The following COL28A1 variants were observed in gnomAD, a reference collection of about 807,000 sequenced individuals.
The protein encoded by COL28A1 is collagen type XXVIII alpha 1 chain, also known as collagen alpha-1(XXVIII) chain.
Under a neutral mutation model 150.2 loss-of-function variants are expected in COL28A1, and 161 were observed. The observed-to-expected ratio is 1.07, with a 90% CI of 0.94 to 1.22. The LOEUF (loss-of-function observed/expected upper bound fraction) is 1.22. COL28A1 is among the 50% of genes most tolerant of loss of function. COL28A1 has a pLI of 0.00. For missense variants in COL28A1, 1,617 were observed against 1,388.3 expected, an observed-to-expected ratio of 1.16 and a Z score of -2.62; for synonymous variants, 552 against 469.7, an observed-to-expected ratio of 1.18 and a Z score of -2.26.
At position 7,513,535 on chromosome 7, in the gene COL28A1, A is replaced by G. The variant is rs1184415717; in HGVS notation, c.882+2279T>C. The stretch of plus-strand genomic sequence containing the variant: ...CTCTTCACATCCTTTCGTGAGTCAA[A>G]CTGACCCAGGAAAAACTGAGCTTTC... On this transcript the variant is annotated intron_variant, in intron 8 of 34. Transcript: ENST00000399429. 2.6e-5 allele frequency among the ~76,000 whole-genome samples: 4 copies of G among 152,352 alleles called. No homozygotes were observed. The East Asian group carries it at 5.8e-4, about 22-fold the overall frequency.
chr7:7,369,902 C>T (rs546115275), intron 33 of COL28A1, among the ~76,000 whole-genome samples: 1 of 152,238 alleles, frequency 6.6e-6, no homozygotes, highest in African/African-American at 2.4e-5. Context: ...AGGGGCATGA[C>T]TGTTATGTGC....
chr7:7,443,389 A>G (rs1583386093), intron 20 of COL28A1, among the ~76,000 whole-genome samples, 196 bp downstream of exon 20: 1 of 151,994 alleles, frequency 6.6e-6, no homozygotes, highest in Non-Finnish European at 1.5e-5. Context: ...TGGGTCTTAC[A>G]ATAGACGTTA....
At chr7:7,396,036 G>T (rs1403030080) in intron 27 of COL28A1, among the ~76,000 whole-genome samples, 1 of 152,164 alleles carries the variant, frequency 6.6e-6, no homozygotes, top group Admixed American at 6.6e-5. Flanking sequence ...AACTACCTTT[G>T]TTTTGAAAGG....
At chr7:7,443,850 A>T (rs1786008418) in intron 19 of COL28A1, among the ~76,000 whole-genome samples, 197 bp from the exon 20 acceptor site, 2 of 152,208 alleles carry the variant, frequency 1.3e-5, no homozygotes, top group Non-Finnish European at 2.9e-5. Context: ...AGTTTAACTC[A>T]GAGCAGCTGC....
At chr7:7,439,969 C>T (rs1298682602) in intron 21 of COL28A1, among the ~76,000 whole-genome samples, 5 of 152,184 alleles carry the variant, frequency 3.3e-5, no homozygotes, top group African/African-American at 1.2e-4. Flanking sequence ...GCTTTTTAAT[C>T]ATCTGGTCCT....
At chr7:7,374,038 AATATAT>A (rs60964603) in intron 31 of COL28A1, among the ~76,000 whole-genome samples, 19 of 113,624 alleles carry the variant, frequency 1.7e-4, no homozygotes, top group East Asian at 5.0e-4. Flanking sequence ...AAAAAAAAAA[AATATAT>A]ATATATATAT....
intron 27 of COL28A1, among the ~76,000 whole-genome samples, chr7:7,392,410 T>A (rs1053381961): frequency 5.9e-5 from 9 of 152,222 alleles, no homozygotes; most frequent in African/African-American, 1.7e-4. Context: ...CTTAACATTT[T>A]TTCCTTCATT....
chr7:7,529,347 T>A (rs775597896), intron 3 of COL28A1, among the ~76,000 whole-genome samples: 4 of 151,224 alleles, frequency 2.6e-5, no homozygotes, highest in Non-Finnish European at 4.4e-5. Flanking sequence ...ATTTGTAACA[T>A]TGAAAGTTGG....
intron 27 of COL28A1, among the ~76,000 whole-genome samples, chr7:7,400,669 T>C (rs1783122855): frequency 7.0e-6 from 1 of 143,394 alleles, no homozygotes; most frequent in Non-Finnish European, 1.5e-5. Flanking sequence ...ATACAACATA[T>C]AATAATATCT....
intron 18 of COL28A1, among the ~76,000 whole-genome samples, chr7:7,446,568 T>TA (rs906912942): frequency 2.6e-5 from 4 of 151,934 alleles, no homozygotes; most frequent in African/African-American, 7.3e-5. Context: ...CAAACATTTC[T>TA]AAAAAAAATA....
chr7:7,363,216 G>A (rs1315429955), intron 33 of COL28A1, among the ~76,000 whole-genome samples: 1 of 152,100 alleles, frequency 6.6e-6, no homozygotes, highest in Admixed American at 6.5e-5. Context: ...GAAGAGGCGG[G>A]CTAAGCAGCA....
chr7:7,517,908 A>T, intron 6 of COL28A1, 71 bp from the exon 7 acceptor site: 7 of 1,587,960 alleles, frequency 4.4e-6, no homozygotes, highest in Non-Finnish European at 6.0e-6. Context: ...AAAATGCATT[A>T]TACAGAAGAT....
At chr7:7,402,549 T>C (rs115273849) in intron 27 of COL28A1, among the ~76,000 whole-genome samples, 1,943 of 152,304 alleles carry the variant, frequency 0.013, 51 homozygotes, top group African/African-American at 0.045. Context: ...ACTAGGGAGA[T>C]ACAGTTCTCA....
At position 7,381,547 on chromosome 7, in the gene COL28A1, CTGGCCTGGGAGGCCA is replaced by C; in HGVS notation, c.2187_2201del (p.His729_Gly733del). The C allele has an allele frequency of 6.2e-7, 1 of 1,612,316 alleles. No individual in the cohort carries two copies. The highest frequency in any genetic ancestry group is 8.5e-7 in the Non-Finnish European group (1 of 1,178,446). On this transcript the variant is annotated inframe_deletion, in exon 28 of 35. Coordinates refer to ENST00000399429, the MANE Select transcript of COL28A1 (RefSeq NM_001037763.3). ...TCTAAGATCCTGAGACACTTACCTT[CTGGCCTGGGAGGCCA>C]TGGCCCATTGTGCCCTTTGGGCCTG...
intron 8 of COL28A1, chr7:7,511,938 A>G (rs1051187669): frequency 5.8e-6 from 2 of 343,686 alleles, no homozygotes; most frequent in Admixed American, 7.8e-5. Context: ...TACCTGTCTG[A>G]GATAAATATT....
At chr7:7,517,129 T>G (rs1781458556) in intron 7 of COL28A1, among the ~76,000 whole-genome samples, 2 of 152,176 alleles carry the variant, frequency 1.3e-5, no homozygotes, top group African/African-American at 4.8e-5. Flanking sequence ...TACTAAACTT[T>G]CTATCAGATT....
intron 15 of COL28A1, among the ~76,000 whole-genome samples, chr7:7,459,330 T>C (rs1325063778): frequency 6.6e-6 from 1 of 152,214 alleles, no homozygotes; most frequent in East Asian, 1.9e-4. Context: ...AGCTAAGAGA[T>C]TGAACAAAGA....
chr7:7,366,216 C>T (rs7781861), intron 33 of COL28A1, among the ~76,000 whole-genome samples: 1,595 of 152,188 alleles, frequency 0.01, 28 homozygotes, highest in African/African-American at 0.037. Flanking sequence ...TAACATCAGG[C>T]AGCTATGAGA....
the COL28A1 span, among the ~76,000 whole-genome samples, chr7:7,348,902 C>T: frequency 6.6e-6 from 1 of 151,956 alleles, no homozygotes; most frequent in Non-Finnish European, 1.5e-5. Context: ...GCCGCCACAC[C>T]CAGATAATTT....
Sources: allele counts gnomAD v4.1 joint callset (sites outside exome capture counted in the v4.1 genomes callset), GRCh38; gene constraint gnomAD v4.1.1; transcripts MANE v1.5; gene names NCBI Gene and HGNC (gene_info 2026-07-23, HGNC 2026-07-21).